Variants in TRPM3 observed in about 807,000 individuals in gnomAD.
TRPM3 encodes long transient receptor potential channel 3.
Under a neutral mutation model 181.2 loss-of-function variants are expected in TRPM3, and 77 were observed. That is an observed-to-expected ratio of 0.42 (90% confidence interval 0.35 to 0.51). The LOEUF (loss-of-function observed/expected upper bound fraction) is 0.51. Ranked by LOEUF, TRPM3 falls within the 20% of genes least tolerant of loss-of-function variation. The pLI is 0.01. For missense variants in TRPM3, 1,759 were observed against 2,196.7 expected (o/e 0.80, Z 3.98); for synonymous variants, 745 against 796.4 (o/e 0.94, Z 1.09).
chr9:70,774,258 C>A, intron 7 of TRPM3: 1 of 154,758 alleles, frequency 6.5e-6, no homozygotes, highest in South Asian at 1.8e-4. Context: ...TCCTCCTCCT[C>A]TTCAGCCTAT....
rs1587995322 is a variant in TRPM3 at position 70,761,849 on chromosome 9, T to C, written c.1149-125A>G. 18 of 1,186,126 alleles carry C rather than the reference T, an allele frequency of 1.5e-5. No individual in the cohort carries two copies. The East Asian group carries it at 4.8e-4, about 31-fold the overall frequency. The allele number at this position is 1,186,126 out of a possible 1,614,324, so 73.5% of individuals were successfully genotyped here. On this transcript the variant is annotated intron_variant, in intron 7 of 25. Coordinates refer to ENST00000677713, the MANE Select transcript of TRPM3 (RefSeq NM_001366145.2). Reference sequence around the variant, plus strand: ...TTAGATAGGAGTTATTTCTGTATTTTTCTCACAAAAGGTATCCCGCCTGTG... The same window carrying C: ...TTAGATAGGAGTTATTTCTGTATTTCTCTCACAAAAGGTATCCCGCCTGTG...
rs746648008 is a variant in TRPM3 at position 70,535,933 on chromosome 9, G to C, written c.*20C>G. The C allele has an allele frequency of 3.2e-6, 5 of 1,553,800 alleles. No homozygotes were observed. In the South Asian group the frequency reaches 5.0e-5, roughly 16 times the overall value. On this transcript the variant is annotated 3_prime_UTR_variant, in exon 26 of 26. Coordinates refer to ENST00000677713, the MANE Select transcript of TRPM3 (RefSeq NM_001366145.2). The stretch of plus-strand genomic sequence containing the variant: ...TTAGGGCTGGATTCTTGAGCCTTCT[G>C]TGGCGGATATTAAGAAGGTTTAGTT...
intron 1 of TRPM3, among the ~76,000 whole-genome samples, chr9:71,432,887 T>C (rs2093979171): frequency 6.6e-6 from 1 of 152,106 alleles, no homozygotes. Flanking sequence ...AGAGAATTTA[T>C]AAAGACAACA....
At chr9:70,767,923 C>A (rs986608562) in intron 7 of TRPM3, among the ~76,000 whole-genome samples, 2 of 152,176 alleles carry the variant, frequency 1.3e-5, no homozygotes, top group Non-Finnish European at 2.9e-5. Context: ...TAGCATGTCA[C>A]TTTCTTGTAC....
intron 1 of TRPM3, among the ~76,000 whole-genome samples, chr9:70,986,228 G>A (rs1482762275): frequency 2.0e-5 from 3 of 152,050 alleles, no homozygotes; most frequent in African/African-American, 7.2e-5. Flanking sequence ...GCCAGGCATG[G>A]TGGTGCAAGA....
intron 1 of TRPM3, among the ~76,000 whole-genome samples, chr9:70,980,984 A>C (rs1451620106): frequency 6.6e-6 from 1 of 152,232 alleles, no homozygotes; most frequent in Non-Finnish European, 1.5e-5. Flanking sequence ...CATGCATGTG[A>C]GTATGCATAC....
chr9:70,700,085 C>A lies in TRPM3; in HGVS notation c.1273-18507G>T, dbSNP rs188267919. Among the ~76,000 whole-genome samples the A allele has an allele frequency of 1.3e-3, 191 of 152,234 alleles. 1 individual carries two copies. Among genetic ancestry groups the A allele is most frequent in the African/African-American group, 4.3e-3 (178 of 41,534 alleles). On this transcript the variant is annotated intron_variant, in intron 8 of 25. Transcript: ENST00000677713. ...GCAGTCTCCGCCTCCCGGGTTCAAG[C>A]GATTCTCCTGCCTCAGACACCCGAG...
intron 1 of TRPM3, among the ~76,000 whole-genome samples, chr9:71,205,617 A>G (rs2079078234): frequency 6.6e-6 from 1 of 152,202 alleles, no homozygotes; most frequent in African/African-American, 2.4e-5. Context: ...CAGACAAAAT[A>G]AAAGTTATAC....
At chr9:70,870,433 C>T (rs182898700) in intron 1 of TRPM3, among the ~76,000 whole-genome samples, 2 of 152,148 alleles carry the variant, frequency 1.3e-5, no homozygotes, top group East Asian at 3.9e-4. Context: ...TGGAGGAAGT[C>T]CCTTTGCCTG....
At chr9:70,685,878 A>G (rs181719540) in intron 8 of TRPM3, among the ~76,000 whole-genome samples, 2 of 89,494 alleles carry the variant, frequency 2.2e-5, no homozygotes, top group Admixed American at 1.9e-4. Context: ...TGTATCTCAC[A>G]TTTTTTATAT....
At chr9:71,081,964 A>AT (rs2064425287) in intron 1 of TRPM3, among the ~76,000 whole-genome samples, 2 of 151,488 alleles carry the variant, frequency 1.3e-5, no homozygotes, top group South Asian at 2.1e-4. Flanking sequence ...CTTTTATTTT[A>AT]TTTTTTTACT....
intron 1 of TRPM3, among the ~76,000 whole-genome samples, chr9:71,408,047 T>C (rs1179355535): frequency 6.6e-6 from 1 of 152,116 alleles, no homozygotes; most frequent in South Asian, 2.1e-4. Flanking sequence ...CAGAAAGGAA[T>C]AGCATCAACA....
At chr9:70,758,881 G>A (rs1166162994) in intron 8 of TRPM3, among the ~76,000 whole-genome samples, 1 of 152,104 alleles carries the variant, frequency 6.6e-6, no homozygotes, top group African/African-American at 2.4e-5. Context: ...AAAAACCCTA[G>A]AAGAAAACCT....
intron 6 of TRPM3, among the ~76,000 whole-genome samples, chr9:70,811,862 A>G (rs997446931): frequency 6.6e-6 from 1 of 152,150 alleles, no homozygotes; most frequent in African/African-American, 2.4e-5. Context: ...CATGCATAAT[A>G]TTATTAATTG....
At chr9:71,315,587 A>G (rs1391696050) in intron 1 of TRPM3, among the ~76,000 whole-genome samples, 2 of 152,220 alleles carry the variant, frequency 1.3e-5, no homozygotes, top group East Asian at 3.9e-4. Flanking sequence ...CTAAGTTTAT[A>G]GCCATCTACT....
In TRPM3 at chr9:71,137,529, A is replaced by C. The variant is rs994947434; in HGVS notation, c.184-273018T>G. Among the ~76,000 whole-genome samples, 5 of 152,356 alleles carry C rather than the reference A, an allele frequency of 3.3e-5. No individual in the cohort carries two copies. In the East Asian group the frequency reaches 9.7e-4, roughly 29 times the overall value. ...TCATCTATTTGGTAATTGTGTCAAC[A>C]TAAACTCTGGTAAGTTGGCTGAGCA... On this transcript the variant is annotated intron_variant, in intron 1 of 24. Transcript: ENST00000357533.
At chr9:71,147,953 C>T (rs1035273513) in intron 1 of TRPM3, among the ~76,000 whole-genome samples, 6 of 152,026 alleles carry the variant, frequency 3.9e-5, no homozygotes, top group Non-Finnish European at 7.4e-5. Flanking sequence ...ATATATTCAG[C>T]TCAAGAGCCA....
intron 1 of TRPM3, among the ~76,000 whole-genome samples, chr9:71,089,352 T>C (rs183587575): frequency 7.3e-4 from 111 of 151,442 alleles, no homozygotes; most frequent in Non-Finnish European, 1.3e-3. Context: ...TGGCAATATA[T>C]ACAATACATA....
At chr9:70,738,731 A>G (rs1046747858) in intron 8 of TRPM3, among the ~76,000 whole-genome samples, 8 of 152,300 alleles carry the variant, frequency 5.3e-5, no homozygotes, top group African/African-American at 1.7e-4. Flanking sequence ...TTGACATACT[A>G]TCAGTGAGAT....
Sources: gnomAD v4.1 joint callset for allele counts (sites outside exome capture counted in the v4.1 genomes callset) on GRCh38, gnomAD v4.1.1 for gene constraint, MANE v1.5 for transcripts, NCBI Gene and HGNC (gene_info 2026-07-23, HGNC 2026-07-21) for gene names.